HACE1: variants seen among roughly 807,000 people sequenced by gnomAD.
HACE1 encodes the protein E3 ubiquitin-protein ligase HACE1.
A neutral mutation model predicts 118.4 loss-of-function variants in HACE1; 73 were observed. That is an observed-to-expected ratio of 0.62 (90% confidence interval 0.51 to 0.75). The LOEUF (loss-of-function observed/expected upper bound fraction) is 0.75, where lower values mean the gene tolerates loss of function less well. Ranked by LOEUF, HACE1 falls within the 30% of genes least tolerant of loss-of-function variation. HACE1 has a pLI of 0.00. For missense variants in HACE1, 749 were observed against 1,102.2 expected (o/e 0.68, Z 4.54); for synonymous variants, 368 against 374.8 (o/e 0.98, Z 0.21).
intron 19 of HACE1, among the ~76,000 whole-genome samples, chr6:104,763,644 C>T (rs1779651248): frequency 6.6e-6 from 1 of 151,850 alleles, no homozygotes; most frequent in Admixed American, 6.6e-5. Context: ...ATCACATGTT[C>T]AGGGTAGCTA....
At chr6:104,841,526 T>C (rs1182406543) in intron 5 of HACE1, among the ~76,000 whole-genome samples, 5 of 152,170 alleles carry the variant, frequency 3.3e-5, no homozygotes, top group South Asian at 2.1e-4. Flanking sequence ...TATTATATTA[T>C]TAATACATAA....
intron 1 of HACE1, 65 bp downstream of exon 1, chr6:104,859,502 C>G: frequency 8.4e-7 from 1 of 1,190,654 alleles, no homozygotes; most frequent in Non-Finnish European, 1.1e-6. Context: ...TTGACGCGGC[C>G]GGAGCTCCTG....
At chr6:104,743,312 T>G (rs1777026852) in intron 22 of HACE1, among the ~76,000 whole-genome samples, 1 of 148,496 alleles carries the variant, frequency 6.7e-6, no homozygotes, top group Admixed American at 6.8e-5. Context: ...TAAAGTATAA[T>G]AATAAAAAAA....
At chr6:104,797,367 A>ATTTGCAACTTTAGCC (rs1769772616) in intron 7 of HACE1, among the ~76,000 whole-genome samples, 1 of 150,328 alleles carries the variant, frequency 6.7e-6, no homozygotes, top group African/African-American at 2.5e-5. Flanking sequence ...TAACTTGACC[A>ATTTGCAACTTTAGCC]TTTGCAACTT....
chr6:104,822,726 A>G (rs6571211), intron 6 of HACE1, among the ~76,000 whole-genome samples: 151,540 of 151,864 alleles, frequency 1, 75,608 homozygotes, highest in Middle Eastern at 1. Context: ...GCGTGGTGGT[A>G]CATGTCTGTA....
At position 104,729,533 on chromosome 6, in the gene HACE1, C is replaced by A. The variant is rs1774978801; in HGVS notation, c.*129G>T. On this transcript the variant is annotated 3_prime_UTR_variant, in exon 24 of 24. Coordinates refer to ENST00000262903, the MANE Select transcript of HACE1 (RefSeq NM_020771.4). ...GAGAGAAACAGAAAACCTGATGATC[C>A]TTTATAAATTGGAAGCATCAGCCCT... 4 of 696,988 alleles carry A rather than the reference C, an allele frequency of 5.7e-6. No individual in the cohort carries two copies. In the East Asian group the frequency reaches 1.0e-4, roughly 18 times the overall value. 43.2% of individuals were successfully genotyped at this position (696,988 alleles called of 1,614,324 possible).
intron 5 of HACE1, among the ~76,000 whole-genome samples, chr6:104,841,598 T>A (rs141743825): frequency 5.9e-5 from 9 of 152,328 alleles, no homozygotes; most frequent in Non-Finnish European, 1.3e-4. Flanking sequence ...GAGTTTATTC[T>A]ATAATAAGCC....
intron 22 of HACE1, among the ~76,000 whole-genome samples, chr6:104,738,677 C>CA (rs1776239095): frequency 6.7e-6 from 1 of 149,040 alleles, no homozygotes; most frequent in South Asian, 2.1e-4. Flanking sequence ...GTGAAAAGAC[C>CA]AAATCTATGT....
In HACE1 at chr6:104,730,331, G is replaced by C. The variant is rs1775065687; in HGVS notation, c.2599C>G (p.Pro867Ala). The stretch of plus-strand genomic sequence containing the variant: ...GTGCTTGAAGTTGGTAAAAGATTTG[G>C]AGTATATGGCACAGCAGCGATTGTA... ...NFTIAAVPYT[P>A]NLLPTSSTCI... Residue 867 changes from proline to alanine, a missense_variant, in exon 23 of 24, where the codon CCA becomes GCA. By Grantham distance (27) the Pro-to-Ala change is conservative. Transcript: ENST00000262903. 6.4e-7 allele frequency: 1 copy of C among 1,571,430 alleles called. No homozygotes were observed. Among genetic ancestry groups the C allele is most frequent in the Admixed American group, 1.7e-5 (1 of 59,950 alleles).
intron 2 of HACE1, 85 bp from the exon 3 acceptor site, chr6:104,851,081 C>CTGTTTGTT: frequency 1.2e-6 from 1 of 809,088 alleles, no homozygotes; most frequent in South Asian, 1.3e-5. Flanking sequence ...TTTAGCTGCT[C>CTGTTTGTT]TGTTTGTTTG....
rs1023741707 is a variant in HACE1 at position 104,799,874 on chromosome 6, C to A, written c.618-2849G>T. On this transcript the variant is annotated intron_variant, in intron 7 of 23. Coordinates refer to ENST00000262903, the MANE Select transcript of HACE1 (RefSeq NM_020771.4). The stretch of plus-strand genomic sequence containing the variant: ...AGGTACCTGGTCGATCTCATTGGGA[C>A]TGGTTGGACAGTAGGTGCAGCCCAC... Among the ~76,000 whole-genome samples the A allele has an allele frequency of 2.1e-4, 31 of 145,972 alleles. No homozygotes were observed. The Admixed American group carries it at 2.1e-3, about 10-fold the overall frequency.
chr6:104,832,927 A>G, intron 6 of HACE1, 115 bp downstream of exon 6: 1 of 1,000,048 alleles, frequency 1.0e-6, no homozygotes, highest in South Asian at 1.3e-5. Flanking sequence ...GATGCAGAAA[A>G]TAAGATTTTG....
At chr6:104,811,208 T>G (rs1771555855) in intron 7 of HACE1, 103 bp downstream of exon 7, 1 of 220,188 alleles carries the variant, frequency 4.5e-6, no homozygotes, top group Non-Finnish European at 8.0e-6. Flanking sequence ...AAATAGAGTA[T>G]TATATACATC....
At chr6:104,827,078 T>A (rs1365923262) in intron 6 of HACE1, among the ~76,000 whole-genome samples, 1 of 152,152 alleles carries the variant, frequency 6.6e-6, no homozygotes, top group African/African-American at 2.4e-5. Context: ...AAACCTAATG[T>A]GTAGGTCAAT....
At chr6:104,773,030 TA>T (rs1013793371) in intron 17 of HACE1, among the ~76,000 whole-genome samples, 1 of 150,478 alleles carries the variant, frequency 6.6e-6, no homozygotes, top group East Asian at 1.9e-4. Context: ...TTCACCACCG[TA>T]AAAAAAAAGT....
intron 18 of HACE1, among the ~76,000 whole-genome samples, chr6:104,771,625 T>A (rs957050464): frequency 5.5e-5 from 8 of 146,146 alleles, no homozygotes; most frequent in African/African-American, 2.0e-4. Context: ...GAAGTTATTA[T>A]AAACTTCAAA....
chr6:104,782,796 T>C (rs1005662520), intron 14 of HACE1, among the ~76,000 whole-genome samples: 4 of 152,222 alleles, frequency 2.6e-5, no homozygotes. Context: ...TAAAAATTAG[T>C]TCATAGCTTA....
intron 20 of HACE1, among the ~76,000 whole-genome samples, chr6:104,749,999 A>G (rs9391238): frequency 0.45 from 67,630 of 151,972 alleles, 17,285 homozygotes; most frequent in African/African-American, 0.72. Context: ...CGCCCTTTAC[A>G]TCATGTGGTC....
chr6:104,811,799 T>C (rs1319554902), intron 6 of HACE1, among the ~76,000 whole-genome samples: 1 of 152,124 alleles, frequency 6.6e-6, no homozygotes, highest in African/African-American at 2.4e-5. Context: ...TTGGACCCTA[T>C]TGCTTTAGAT....
Sources: gnomAD v4.1 joint callset for allele counts (sites outside exome capture counted in the v4.1 genomes callset) on GRCh38, gnomAD v4.1.1 for gene constraint, MANE v1.5 for transcripts, NCBI Gene and HGNC (gene_info 2026-07-23, HGNC 2026-07-21) for gene names.